Variants in PRKD3 observed in about 807,000 individuals in gnomAD.
PRKD3 encodes serine/threonine-protein kinase D3.
PRKD3 carries 47 observed loss-of-function variants against 99.2 expected under a neutral mutation model. The ratio of observed to expected loss-of-function variants is 0.47; its 90% CI spans 0.38 to 0.60. PRKD3 has a LOEUF of 0.60. Ranked by LOEUF, PRKD3 falls within the 20% of genes least tolerant of loss-of-function variation. PRKD3 has a pLI of 0.00. For missense variants in PRKD3, 1,019 were observed against 1,088.4 expected (o/e 0.94, Z 0.90); for synonymous variants, 392 against 355.4 (o/e 1.10, Z -1.16).
At chr2:37,257,015 T>C in intron 16 of PRKD3, 86 bp from the exon 17 acceptor site, 2 of 1,369,596 alleles carry the variant, frequency 1.5e-6, no homozygotes, top group Non-Finnish European at 2.0e-6. Flanking sequence ...GTATGTATCA[T>C]TTCAACATAC....
chr2:37,291,121 A>C, intron 3 of PRKD3, 122 bp from the exon 4 acceptor site: 1 of 853,036 alleles, frequency 1.2e-6, no homozygotes, highest in Non-Finnish European at 1.7e-6. Flanking sequence ...GTTGCACTGG[A>C]CCATAAAAGT....
At chr2:37,290,523 C>A (rs375344040) in intron 4 of PRKD3, among the ~76,000 whole-genome samples, 3 of 152,112 alleles carry the variant, frequency 2.0e-5, no homozygotes, top group Non-Finnish European at 4.4e-5. Flanking sequence ...TGTGAGCCAC[C>A]GTGCCTGGCC....
intron 14 of PRKD3, among the ~76,000 whole-genome samples, chr2:37,261,057 T>TTTA (rs1668400105): frequency 6.6e-6 from 1 of 152,250 alleles, no homozygotes; most frequent in South Asian, 2.1e-4. Context: ...TCAGTGGCTC[T>TTTA]TTATTTCTGG....
rs1416062998 is a variant in PRKD3, at chr2:37,316,714, C to T, written c.-190G>A. 3 of 1,417,792 alleles carry T rather than the reference C, an allele frequency of 2.1e-6. No homozygotes were observed. In the East Asian group the frequency reaches 7.7e-5, roughly 36 times the overall value. 87.8% of individuals were successfully genotyped at this position (1,417,792 alleles called of 1,614,324 possible). A position where few individuals can be genotyped will look rare whatever the true frequency, so the allele number is the denominator to read the frequency against. On this transcript the variant is annotated 5_prime_UTR_variant, in exon 2 of 19. Coordinates refer to ENST00000234179, the MANE Select transcript of PRKD3 (RefSeq NM_005813.6). Reference sequence around the variant, plus strand: ...TCAAGGAGTTGAATGCCCCAAAGGTCCTATTTCTCTTAATATCAGTCCCAT... The same window carrying T: ...TCAAGGAGTTGAATGCCCCAAAGGTTCTATTTCTCTTAATATCAGTCCCAT...
At chr2:37,266,334 G>T (rs1558534375) in intron 14 of PRKD3, among the ~76,000 whole-genome samples, 2 of 152,154 alleles carry the variant, frequency 1.3e-5, no homozygotes, top group Non-Finnish European at 2.9e-5. Context: ...ACCATTTTTT[G>T]TTGTTGTTGA....
intron 14 of PRKD3, among the ~76,000 whole-genome samples, chr2:37,265,508 A>AC (rs1478501379): frequency 3.8e-4 from 57 of 151,244 alleles, no homozygotes; most frequent in Admixed American, 7.9e-4. Context: ...CACACACACA[A>AC]ACACACACAC....
chr2:37,275,886 T>C (rs746698762), intron 9 of PRKD3, 42 bp from the exon 10 acceptor site: 24 of 1,585,986 alleles, frequency 1.5e-5, no homozygotes, highest in Non-Finnish European at 1.9e-5. Context: ...TCAAAAATGA[T>C]TCCTCCAAAG....
intron 11 of PRKD3, among the ~76,000 whole-genome samples, chr2:37,272,743 A>G (rs981581511): frequency 2.6e-5 from 4 of 152,154 alleles, no homozygotes; most frequent in Non-Finnish European, 5.9e-5. Flanking sequence ...ATCCCAGTGC[A>G]TTAGGACGCT....
At chr2:37,309,849 A>C (rs1671346423) in intron 2 of PRKD3, among the ~76,000 whole-genome samples, 1 of 76,166 alleles carries the variant, frequency 1.3e-5, no homozygotes, top group East Asian at 5.4e-4. Flanking sequence ...TCCGTCTCAA[A>C]AAAAAAAAAA....
At chr2:37,262,876 A>G (rs1228665796) in intron 14 of PRKD3, among the ~76,000 whole-genome samples, 1 of 151,442 alleles carries the variant, frequency 6.6e-6, no homozygotes, top group Non-Finnish European at 1.5e-5. Flanking sequence ...AGAGATGAGC[A>G]AAGTATCCTA....
chr2:37,253,835 A>T (rs1558518205), intron 18 of PRKD3, among the ~76,000 whole-genome samples: 1 of 152,248 alleles, frequency 6.6e-6, no homozygotes, highest in Non-Finnish European at 1.5e-5. Flanking sequence ...TGATAAATCT[A>T]TAAAGTAACT....
intron 5 of PRKD3, among the ~76,000 whole-genome samples, chr2:37,286,740 T>C (rs936974246): frequency 6.6e-6 from 1 of 152,238 alleles, no homozygotes; most frequent in Non-Finnish European, 1.5e-5. Context: ...TCTGAATATA[T>C]TTTGAAACAC....
At chr2:37,317,516 G>A (rs1398129763) in intron 1 of PRKD3, among the ~76,000 whole-genome samples, 2 of 151,744 alleles carry the variant, frequency 1.3e-5, no homozygotes, top group Non-Finnish European at 2.9e-5. Flanking sequence ...AAACAGAAGG[G>A]ACAAAAAACA....
chr2:37,309,513 TAA>T (rs1471971767), intron 2 of PRKD3, among the ~76,000 whole-genome samples: 4 of 152,164 alleles, frequency 2.6e-5, no homozygotes, highest in Non-Finnish European at 5.9e-5. Context: ...CTCAAAATTA[TAA>T]GATTCTTAAG....
At chr2:37,276,856 ATTTT>A (rs1237680912) in intron 9 of PRKD3, among the ~76,000 whole-genome samples, 1 of 150,826 alleles carries the variant, frequency 6.6e-6, no homozygotes, top group Non-Finnish European at 1.5e-5. Flanking sequence ...ATATAACTTT[ATTTT>A]TTTCAAAATG....
intron 1 of PRKD3, among the ~76,000 whole-genome samples, chr2:37,318,943 T>C (rs1055296963): frequency 6.6e-6 from 1 of 152,160 alleles, no homozygotes; most frequent in Non-Finnish European, 1.5e-5. Flanking sequence ...TGTGAATAAC[T>C]AGAGAAGAAT....
chr2:37,258,231 T>A lies in PRKD3; in HGVS notation c.2146-1302A>T, dbSNP rs141187683. Among the ~76,000 whole-genome samples, 725 of 152,352 alleles carry A rather than the reference T, an allele frequency of 4.8e-3. 3 individuals are homozygous for A. Among genetic ancestry groups the A allele is most frequent in the Non-Finnish European group, 8.6e-3 (583 of 68,022 alleles). Reference sequence around the variant, plus strand: ...AGTGAAGTTATCAAATGCTGCTATTTCTGGGATGGTGGACTCTGACACATA... The same window carrying A: ...AGTGAAGTTATCAAATGCTGCTATTACTGGGATGGTGGACTCTGACACATA... On this transcript the variant is annotated intron_variant, in intron 16 of 18. Coordinates refer to ENST00000234179, the MANE Select transcript of PRKD3 (RefSeq NM_005813.6).
intron 14 of PRKD3, among the ~76,000 whole-genome samples, chr2:37,261,643 G>A (rs1316426037): frequency 6.6e-6 from 1 of 151,698 alleles, no homozygotes; most frequent in Non-Finnish European, 1.5e-5. Context: ...AGCCGGGTGT[G>A]GTGGCGCAAG....
At chr2:37,313,624 A>G (rs148872642) in intron 2 of PRKD3, among the ~76,000 whole-genome samples, 120 of 152,374 alleles carry the variant, frequency 7.9e-4, no homozygotes, top group African/African-American at 2.8e-3. Flanking sequence ...CAGAGAGGTC[A>G]TAAGTAAAGC....
Sources: allele counts gnomAD v4.1 joint callset (sites outside exome capture counted in the v4.1 genomes callset), GRCh38; gene constraint gnomAD v4.1.1; transcripts MANE v1.5; gene names NCBI Gene and HGNC (gene_info 2026-07-23, HGNC 2026-07-21).